Variants in GPC5 observed in about 807,000 individuals in gnomAD.
GPC5 encodes glypican 5.
Under a neutral mutation model 53.9 loss-of-function variants are expected in GPC5, and 47 were observed. That is an observed-to-expected ratio of 0.87 (90% CI 0.69 to 1.11). The LOEUF (loss-of-function observed/expected upper bound fraction) is 1.11. Among genes scored for constraint, GPC5 ranks in the 50% most tolerant of loss-of-function variants. The pLI, the probability that GPC5 is intolerant of heterozygous loss-of-function variation, is 0.00. For synonymous variants in GPC5, 286 were observed against 263.3 expected (o/e 1.09, Z -0.84); for missense variants, 748 against 713.1 (o/e 1.05, Z -0.56).
chr13:92,102,138 G>A (rs1028595907), intron 6 of GPC5, among the ~76,000 whole-genome samples: 6 of 152,078 alleles, frequency 3.9e-5, no homozygotes, highest in Non-Finnish European at 7.4e-5. Flanking sequence ...ATAATTGAAG[G>A]ACATGGGTGA....
At chr13:91,797,428 C>T (rs577776364) in intron 5 of GPC5, among the ~76,000 whole-genome samples, 2 of 152,086 alleles carry the variant, frequency 1.3e-5, no homozygotes, top group Admixed American at 1.3e-4. Flanking sequence ...CCCTAATAGT[C>T]TATTTTAATA....
chr13:92,300,514 G>A (rs1361133676), intron 7 of GPC5, among the ~76,000 whole-genome samples: 1 of 152,126 alleles, frequency 6.6e-6, no homozygotes, highest in Non-Finnish European at 1.5e-5. Context: ...TAACACATGA[G>A]TCTGATCATT....
chr13:92,132,223 A>G (rs559977194), intron 6 of GPC5, among the ~76,000 whole-genome samples: 16 of 152,250 alleles, frequency 1.1e-4, no homozygotes, highest in Non-Finnish European at 2.4e-4. Flanking sequence ...GGCATAAAAG[A>G]GGCTTCTGAG....
intron 7 of GPC5, among the ~76,000 whole-genome samples, chr13:92,326,729 C>A (rs1463173222): frequency 6.6e-6 from 1 of 152,118 alleles, no homozygotes; most frequent in Admixed American, 6.6e-5. Context: ...TTGGTTAAGT[C>A]AAGTAAAGGA....
intron 7 of GPC5, among the ~76,000 whole-genome samples, chr13:92,219,290 A>G (rs1049046640): frequency 1.3e-5 from 2 of 152,092 alleles, no homozygotes; most frequent in Non-Finnish European, 2.9e-5. Context: ...ACAAGCCTTA[A>G]AATACCATTA....
chr13:91,986,676 A>G (rs113168775), intron 6 of GPC5, among the ~76,000 whole-genome samples: 2,131 of 152,324 alleles, frequency 0.014, 46 homozygotes, highest in African/African-American at 0.049. Flanking sequence ...TTAGACATGT[A>G]TATCATCTTC....
chr13:92,381,884 A>ATG, intron 7 of GPC5, among the ~76,000 whole-genome samples: 1 of 87,774 alleles, frequency 1.1e-5, no homozygotes, highest in East Asian at 3.6e-4. Flanking sequence ...ATATGATTAT[A>ATG]TATATTATAT....
At chr13:91,666,636 A>C (rs759459154) in intron 2 of GPC5, among the ~76,000 whole-genome samples, 3 of 152,168 alleles carry the variant, frequency 2.0e-5, no homozygotes, top group Non-Finnish European at 4.4e-5. Flanking sequence ...ATCCTGCTTT[A>C]TATCACTTAA....
At chr13:92,222,609 G>C (rs541241445) in intron 7 of GPC5, among the ~76,000 whole-genome samples, 57 of 152,132 alleles carry the variant, frequency 3.7e-4, no homozygotes, top group Non-Finnish European at 6.8e-4. Flanking sequence ...TGTCAGGAAT[G>C]TCTTTGTGTC....
At chr13:91,754,786 GC>G (rs1197477749) in intron 4 of GPC5, among the ~76,000 whole-genome samples, 2 of 152,070 alleles carry the variant, frequency 1.3e-5, no homozygotes, top group African/African-American at 4.8e-5. Flanking sequence ...TTATTTTCTG[GC>G]AGAGGAAACG....
chr13:92,028,652 CT>C (rs1482828802), intron 6 of GPC5, among the ~76,000 whole-genome samples: 1 of 151,992 alleles, frequency 6.6e-6, no homozygotes, highest in Non-Finnish European at 1.5e-5. Flanking sequence ...GTTTGTTTGT[CT>C]TTTAATATTG....
intron 2 of GPC5, among the ~76,000 whole-genome samples, chr13:91,680,428 G>A (rs1368040118): frequency 1.3e-5 from 2 of 152,124 alleles, no homozygotes; most frequent in Admixed American, 1.3e-4. Flanking sequence ...CAGCCTGGGC[G>A]ACAGAGCAAG....
intron 7 of GPC5, among the ~76,000 whole-genome samples, chr13:92,505,205 A>G (rs551418206): frequency 2.6e-5 from 4 of 152,036 alleles, no homozygotes; most frequent in African/African-American, 9.6e-5. Context: ...AAAGAGCAAA[A>G]ATATGTTCAA....
chr13:92,324,375 G>A (rs1332105805), intron 7 of GPC5, among the ~76,000 whole-genome samples: 1 of 151,872 alleles, frequency 6.6e-6, no homozygotes, highest in Non-Finnish European at 1.5e-5. Flanking sequence ...CTTAAACATA[G>A]GACAAAATGA....
chr13:91,793,517 G>T (rs190134793), intron 5 of GPC5, among the ~76,000 whole-genome samples: 3 of 152,246 alleles, frequency 2.0e-5, no homozygotes, highest in African/African-American at 4.8e-5. Flanking sequence ...TATAATCACT[G>T]CACAGTGTGA....
At chr13:92,261,396 G>T (rs1228156557) in intron 7 of GPC5, among the ~76,000 whole-genome samples, 2 of 152,016 alleles carry the variant, frequency 1.3e-5, no homozygotes, top group Admixed American at 6.6e-5. Context: ...TTTCTACATT[G>T]TAATAAGAAA....
At chr13:92,574,603 T>C (rs1594315689) in intron 7 of GPC5, among the ~76,000 whole-genome samples, 1 of 152,152 alleles carries the variant, frequency 6.6e-6, no homozygotes, top group South Asian at 2.1e-4. Context: ...AAGAACTGGA[T>C]TACTGACACA....
At chr13:92,370,371 A>G (rs2043640480) in intron 7 of GPC5, among the ~76,000 whole-genome samples, 1 of 152,178 alleles carries the variant, frequency 6.6e-6, no homozygotes, top group African/African-American at 2.4e-5. Context: ...TCCACAGAGA[A>G]TTAATACTTT....
chr13:92,833,805 G>A (rs1225896419), intron 7 of GPC5, among the ~76,000 whole-genome samples: 1 of 152,186 alleles, frequency 6.6e-6, no homozygotes, highest in African/African-American at 2.4e-5. Flanking sequence ...TCCAAGCACA[G>A]GGAATAGCAT....
Sources: gnomAD v4.1 joint callset for allele counts (sites outside exome capture counted in the v4.1 genomes callset) on GRCh38, gnomAD v4.1.1 for gene constraint, MANE v1.5 for transcripts, NCBI Gene and HGNC (gene_info 2026-07-23, HGNC 2026-07-21) for gene names.